Variants in STK40 observed in about 807,000 individuals in gnomAD.
STK40 encodes the protein serine/threonine kinase 40.
A neutral mutation model predicts 47.9 loss-of-function variants in STK40; 13 were observed. The ratio of observed to expected loss-of-function variants is 0.27; its 90% CI spans 0.18 to 0.43. The LOEUF is 0.43. STK40 is among the 20% of genes least tolerant of loss of function. The probability of loss-of-function intolerance (pLI) is 1.00; values close to 1 mark genes in which losing one functional copy is unlikely to be tolerated. For missense variants in STK40, 460 were observed against 595.1 expected, an observed-to-expected ratio of 0.77 and a Z score of 2.36; for synonymous variants, 225 against 243.2, an observed-to-expected ratio of 0.93 and a Z score of 0.69.
chr1:36,353,124 C>T (rs1646774146), intron 6 of STK40, among the ~76,000 whole-genome samples: 1 of 152,222 alleles, frequency 6.6e-6, no homozygotes, highest in Admixed American at 6.5e-5. Flanking sequence ...GGGCTGGCCA[C>T]ATCATGGAAT....
intron 1 of STK40, among the ~76,000 whole-genome samples, chr1:36,371,938 A>G (rs557748360): frequency 6.7e-6 from 1 of 149,294 alleles, no homozygotes; most frequent in African/African-American, 2.5e-5. Flanking sequence ...TGAAGGTTGC[A>G]GTGAGCCGAG....
intron 1 of STK40, among the ~76,000 whole-genome samples, chr1:36,362,373 T>G (rs1646860140): frequency 6.6e-6 from 1 of 152,192 alleles, no homozygotes; most frequent in South Asian, 2.1e-4. Context: ...AAAATTTCCC[T>G]AAGGATACAG....
rs541290175 is a variant in STK40 at position 36,352,563 on chromosome 1, C to T, written c.623+1801G>A. ...CTGACCCCCATGTCAGTGCTGCTTC[C>T]GTCCTCCTCAACTCACTCACTCAGC... On this transcript the variant is annotated intron_variant, in intron 6 of 10. Transcript: ENST00000373132. 5.3e-5 allele frequency among the ~76,000 whole-genome samples: 8 copies of T among 152,282 alleles called. No individual in the cohort carries two copies. In the South Asian group the frequency reaches 1.4e-3, roughly 28 times the overall value.
chr1:36,353,766 C>T (rs919429679), intron 6 of STK40, among the ~76,000 whole-genome samples: 2 of 152,214 alleles, frequency 1.3e-5, no homozygotes, highest in African/African-American at 4.8e-5. Flanking sequence ...GCTGGGACTT[C>T]ACTGCGGTTC....
At chr1:36,381,976 C>G (rs762028286) in intron 1 of STK40, among the ~76,000 whole-genome samples, 7 of 152,112 alleles carry the variant, frequency 4.6e-5, no homozygotes, top group Non-Finnish European at 8.8e-5. Context: ...TAGGGCCTGC[C>G]TCTCCATCCT....
chr1:36,343,406 A>G lies in STK40; in HGVS notation c.1047T>C (p.Pro349=), dbSNP rs1224551351. The change falls in exon 10 of 11, where the codon CCT becomes CCC. Residue 349 remains proline, a synonymous_variant. Coordinates refer to ENST00000373132, the MANE Select transcript of STK40 (RefSeq NM_001282547.2). ...CATTGCTCATTTGGTCATCAATGTC[A>G]GGAACCACTTGCAAAGGCCCACTCA... The part of the protein sequence containing the change: ...SSLSGPLQVV[P]DIDDQMSNAD... The G allele has an allele frequency of 6.2e-7, 1 of 1,613,636 alleles. No homozygotes were observed. The highest frequency in any genetic ancestry group is 1.7e-5 in the Admixed American group (1 of 59,980).
At chr1:36,361,965 A>G (rs1646856305) in intron 1 of STK40, among the ~76,000 whole-genome samples, 1 of 152,052 alleles carries the variant, frequency 6.6e-6, no homozygotes. Flanking sequence ...GAACCCCCCA[A>G]AGTTGTCAAT....
At chr1:36,379,864 T>G in intron 1 of STK40, among the ~76,000 whole-genome samples, 1 of 152,190 alleles carries the variant, frequency 6.6e-6, no homozygotes, top group Non-Finnish European at 1.5e-5. Context: ...GCAATTCACT[T>G]CTAGAAATTT....
intron 1 of STK40, among the ~76,000 whole-genome samples, chr1:36,382,741 A>T (rs1232963486): frequency 6.6e-6 from 1 of 152,234 alleles, no homozygotes; most frequent in Non-Finnish European, 1.5e-5. Flanking sequence ...TCTTTCCTGT[A>T]GCCTGTAATA....
At chr1:36,346,870 C>G (rs1161744559) in intron 7 of STK40, among the ~76,000 whole-genome samples, 6 of 152,188 alleles carry the variant, frequency 3.9e-5, no homozygotes, top group African/African-American at 1.4e-4. Context: ...CAGGCACAGC[C>G]CCACTCACAG....
intron 6 of STK40, among the ~76,000 whole-genome samples, chr1:36,352,948 G>GGA (rs1356609426): frequency 6.6e-6 from 1 of 152,210 alleles, no homozygotes; most frequent in Non-Finnish European, 1.5e-5. Context: ...CTCTCAGGCT[G>GGA]GAGCTATGGG....
At chr1:36,358,478 T>A (rs1428401402) in intron 3 of STK40, 96 bp from the exon 4 acceptor site, 2 of 1,483,804 alleles carry the variant, frequency 1.3e-6, no homozygotes, top group South Asian at 1.3e-5. Context: ...TTTTACCACA[T>A]GACATTTGTG....
intron 1 of STK40, among the ~76,000 whole-genome samples, chr1:36,377,682 CAA>C (rs1187290860): frequency 1.3e-5 from 2 of 152,042 alleles, no homozygotes; most frequent in South Asian, 2.1e-4. Flanking sequence ...AATGGTGCAG[CAA>C]AAGAGTGAGA....
At chr1:36,345,989 A>T (rs55857191) in intron 7 of STK40, among the ~76,000 whole-genome samples, 4,821 of 19,134 alleles carry the variant, frequency 0.25, 246 homozygotes, top group Non-Finnish European at 0.37. Flanking sequence ...ATATATATAT[A>T]TATTTTTTTT....
At chr1:36,356,430 T>C (rs1480048717) in intron 4 of STK40, among the ~76,000 whole-genome samples, 5 of 144,072 alleles carry the variant, frequency 3.5e-5, no homozygotes, top group East Asian at 3.9e-4. Flanking sequence ...TTTTTTTTTT[T>C]TTTTTTTTTT....
Position 36,371,859 on chromosome 1 carries a change from G to A in STK40, c.-8-10519C>T, listed in dbSNP as rs367852927. ...AAAAATACAAAAAAATTAGCAGGGC[G>A]TGGCAGTGTTTGCCTGTAGTCCCAG... On this transcript the variant is annotated intron_variant, in intron 1 of 10. Transcript: ENST00000373132. Among the ~76,000 whole-genome samples the A allele has an allele frequency of 3.7e-4, 56 of 151,972 alleles. 1 individual carries two copies. In the East Asian group the frequency reaches 4.3e-3, roughly 12 times the overall value.
At chr1:36,367,269 C>A (rs551291540) in intron 1 of STK40, among the ~76,000 whole-genome samples, 1 of 152,186 alleles carries the variant, frequency 6.6e-6, no homozygotes, top group Non-Finnish European at 1.5e-5. Context: ...GCAAGAGAGC[C>A]CAGCTGGCAC....
intron 3 of STK40, 93 bp from the exon 4 acceptor site, chr1:36,358,475 A>T: frequency 6.7e-7 from 1 of 1,496,180 alleles, no homozygotes; most frequent in Non-Finnish European, 9.0e-7. Flanking sequence ...GCTTTTTACC[A>T]CATGACATTT....
rs1646643923 is a variant in STK40, at chr1:36,341,208, T to C, written c.*547A>G. 1 of 153,256 alleles carries C rather than the reference T, an allele frequency of 6.5e-6. No homozygotes were observed. The allele number at this position is 153,256 out of a possible 1,614,324, so 9.5% of individuals were successfully genotyped here. A position where few individuals can be genotyped will look rare whatever the true frequency, so the allele number is the denominator to read the frequency against. ...TGGTATGGTAAAAAAATAAATATATTTGAGTTCGGTTTAAGATGAGGTGAA... is the reference window on the plus strand; with the variant it reads ...TGGTATGGTAAAAAAATAAATATATCTGAGTTCGGTTTAAGATGAGGTGAA... On this transcript the variant is annotated 3_prime_UTR_variant, in exon 11 of 11. Coordinates refer to ENST00000373132, the MANE Select transcript of STK40 (RefSeq NM_001282547.2).
Sources: gnomAD v4.1 joint callset for allele counts (sites outside exome capture counted in the v4.1 genomes callset) on GRCh38, gnomAD v4.1.1 for gene constraint, MANE v1.5 for transcripts, NCBI Gene and HGNC (gene_info 2026-07-23, HGNC 2026-07-21) for gene names.